Variants in AFAP1L2 observed in about 807,000 individuals in gnomAD.
The protein encoded by AFAP1L2 is actin filament-associated protein 1-like 2.
In AFAP1L2, 46 loss-of-function variants were observed where a neutral mutation model predicts 99.3. The observed-to-expected ratio is 0.46, with a 90% CI of 0.37 to 0.59. AFAP1L2 has a LOEUF of 0.59. AFAP1L2 is among the 20% of genes least tolerant of loss of function. The pLI, the probability that AFAP1L2 is intolerant of heterozygous loss-of-function variation, is 0.00. For missense variants in AFAP1L2, 959 were observed against 1,034.9 expected (o/e 0.93, Z 1.01); for synonymous variants, 397 against 419.1 (o/e 0.95, Z 0.64).
At chr10:114,371,879 A>T (rs1215878148) in intron 1 of AFAP1L2, among the ~76,000 whole-genome samples, 1 of 152,070 alleles carries the variant, frequency 6.6e-6, no homozygotes, top group African/African-American at 2.4e-5. Flanking sequence ...GGCGGGGGAA[A>T]GTCCCTTTAT....
rs1305847452 is a variant in AFAP1L2, at chr10:114,300,620, A to G, written c.1613T>C (p.Leu538Pro). ...AAAGGACTTGACAGGTGTGAGGTCCAGGTACACTCGGTCAGATTCTCTCTC... is the reference window on the plus strand; with the variant it reads ...AAAGGACTTGACAGGTGTGAGGTCCGGGTACACTCGGTCAGATTCTCTCTC... ...PNERESDRVY[L>P]DLTPVKSFLH... The change falls in exon 14 of 19, where the codon CTG (leucine) becomes CCG (proline). Residue 538 changes from leucine to proline, a missense_variant. Coordinates refer to ENST00000304129, the MANE Select transcript of AFAP1L2 (RefSeq NM_001001936.3). 1.2e-6 allele frequency: 2 copies of G among 1,613,924 alleles called. No individual in the cohort carries two copies. Among genetic ancestry groups the G allele is most frequent in the South Asian group, 2.2e-5 (2 of 91,058 alleles).
At chr10:114,320,215 T>C (rs532903730) in intron 5 of AFAP1L2, among the ~76,000 whole-genome samples, 1 of 152,306 alleles carries the variant, frequency 6.6e-6, no homozygotes, top group Admixed American at 6.5e-5. Context: ...CAGACCCCGA[T>C]ATCCCTAGCA....
chr10:114,372,700 C>T (rs982749922), intron 1 of AFAP1L2, among the ~76,000 whole-genome samples: 1 of 151,712 alleles, frequency 6.6e-6, no homozygotes, highest in Non-Finnish European at 1.5e-5. Context: ...TATAAAGCAA[C>T]AATTAAAACA....
downstream of AFAP1L2, among the ~76,000 whole-genome samples, chr10:114,290,989 C>T (rs924373430): frequency 6.6e-6 from 1 of 152,158 alleles, no homozygotes; most frequent in African/African-American, 2.4e-5. Flanking sequence ...AATCAGAAGA[C>T]AAGTCCAGTC....
chr10:114,326,290 C>G (rs2046281735), intron 4 of AFAP1L2, among the ~76,000 whole-genome samples: 1 of 152,220 alleles, frequency 6.6e-6, no homozygotes, highest in African/African-American at 2.4e-5. Flanking sequence ...CTCCCCTCCC[C>G]ATTCCTGGGG....
chr10:114,284,915 A>G, the AFAP1L2 span: 1 of 1,605,328 alleles, frequency 6.2e-7, no homozygotes, highest in Admixed American at 1.7e-5. Context: ...TTCCAGAAGG[A>G]CTGGACGGCT....
chr10:114,300,540 G>A lies in AFAP1L2; in HGVS notation c.1693C>T (p.Leu565=), dbSNP rs1402348013. ...GGGAGGGCCTCAGTTGCATTGTCCA[G>A]GCAGGACAACGTCGGGGAGGAGGCC... The part of the protein sequence containing the change: ...AQASSPTLSC[L]DNATEALPAD... The change falls in exon 14 of 19, where the codon CTG becomes TTG. Residue 565 remains leucine (L), a synonymous_variant. Coordinates refer to ENST00000304129, the MANE Select transcript of AFAP1L2 (RefSeq NM_001001936.3). The A allele has an allele frequency of 2.5e-6, 4 of 1,614,040 alleles. No homozygotes were observed. Among genetic ancestry groups the A allele is most frequent in the Non-Finnish European group, 2.5e-6 (3 of 1,180,014 alleles).
intron 1 of AFAP1L2, among the ~76,000 whole-genome samples, chr10:114,383,534 C>T (rs2056020450): frequency 6.6e-6 from 1 of 152,072 alleles, no homozygotes; most frequent in Admixed American, 6.5e-5. Context: ...CAAATTTCTG[C>T]CACATATGCA....
chr10:114,336,086 A>G (rs2047929810), intron 2 of AFAP1L2, among the ~76,000 whole-genome samples: 1 of 152,248 alleles, frequency 6.6e-6, no homozygotes, highest in Non-Finnish European at 1.5e-5. Flanking sequence ...TAAGTTGCAG[A>G]GAAAACTCAC....
intron 1 of AFAP1L2, among the ~76,000 whole-genome samples, chr10:114,375,906 G>C (rs1374641058): frequency 6.6e-6 from 1 of 152,140 alleles, no homozygotes; most frequent in Non-Finnish European, 1.5e-5. Flanking sequence ...GCTGCAGTGA[G>C]CTATAATCAC....
chr10:114,354,680 A>T (rs2051055413), intron 1 of AFAP1L2, among the ~76,000 whole-genome samples: 1 of 152,186 alleles, frequency 6.6e-6, no homozygotes, highest in Non-Finnish European at 1.5e-5. Flanking sequence ...ATTGCAAGCC[A>T]TGAGGATGCA....
intron 4 of AFAP1L2, among the ~76,000 whole-genome samples, chr10:114,328,276 G>A (rs1174076388): frequency 6.6e-6 from 1 of 152,146 alleles, no homozygotes; most frequent in Non-Finnish European, 1.5e-5. Context: ...TGGCCGATAA[G>A]CATCCCGAGC....
chr10:114,287,152 C>T, the AFAP1L2 span, among the ~76,000 whole-genome samples: 1 of 152,208 alleles, frequency 6.6e-6, no homozygotes, highest in African/African-American at 2.4e-5. Flanking sequence ...AGAGGCCTGG[C>T]CCATGGCCAG....
intron 1 of AFAP1L2, among the ~76,000 whole-genome samples, chr10:114,342,309 T>C (rs2048935831): frequency 6.6e-6 from 1 of 152,220 alleles, no homozygotes; most frequent in Non-Finnish European, 1.5e-5. Context: ...CCTAACTAGC[T>C]ATCCGCTGTA....
rs571234965 is a variant in AFAP1L2, at chr10:114,383,385, A to G, written c.16+21055T>C. Among the ~76,000 whole-genome samples the G allele has an allele frequency of 1.6e-4, 25 of 152,120 alleles. No homozygotes were observed. The East Asian group carries it at 2.9e-3, about 18-fold the overall frequency. ...GAGGGAACACAAGAAGGGTGAAGGG[A>G]GGGAAGGAGGAGAAAAGAGAGAGGA... On this transcript the variant is annotated intron_variant, in intron 1 of 18. Coordinates refer to ENST00000304129, the MANE Select transcript of AFAP1L2 (RefSeq NM_001001936.3).
chr10:114,332,173 TG>T (rs2047339696), intron 3 of AFAP1L2, among the ~76,000 whole-genome samples: 2 of 152,230 alleles, frequency 1.3e-5, no homozygotes, highest in Admixed American at 6.5e-5. Context: ...CACAGAGCTT[TG>T]GCCAGCAGAG....
intron 2 of AFAP1L2, among the ~76,000 whole-genome samples, chr10:114,339,894 C>T (rs1271084765): frequency 6.6e-6 from 1 of 151,620 alleles, no homozygotes; most frequent in Non-Finnish European, 1.5e-5. Context: ...GCCTGTAATC[C>T]CAGCTACTCC....
chr10:114,286,083 G>A, the AFAP1L2 span: 18 of 1,614,016 alleles, frequency 1.1e-5, no homozygotes, highest in African/African-American at 5.3e-5. Context: ...TCTCGGGCCC[G>A]AGTGGGTGTG....
chr10:114,342,919 G>A (rs1279271919), intron 1 of AFAP1L2, among the ~76,000 whole-genome samples: 1 of 152,220 alleles, frequency 6.6e-6, no homozygotes, highest in African/African-American at 2.4e-5. Flanking sequence ...GCTTTGTGTG[G>A]AGCTCACATT....
Sources: allele counts gnomAD v4.1 joint callset (sites outside exome capture counted in the v4.1 genomes callset), GRCh38; gene constraint gnomAD v4.1.1; transcripts MANE v1.5; gene names NCBI Gene and HGNC (gene_info 2026-07-23, HGNC 2026-07-21).